TNK2: variants seen among roughly 807,000 people sequenced by gnomAD.
TNK2 encodes activated CDC42 kinase 1.
A neutral mutation model predicts 101.8 loss-of-function variants in TNK2; 83 were observed. That is an observed-to-expected ratio of 0.82 (90% CI 0.68 to 0.98). The LOEUF is 0.98. Among genes scored for constraint, TNK2 ranks in the 50% least tolerant of loss-of-function variants. The probability of loss-of-function intolerance (pLI) is 0.00; values close to 1 mark genes in which losing one functional copy is unlikely to be tolerated. For synonymous variants in TNK2, 804 were observed against 633.0 expected, an observed-to-expected ratio of 1.27 and a Z score of -4.06; for missense variants, 1,665 against 1,483.2, an observed-to-expected ratio of 1.12 and a Z score of -2.01.
chr3:195,871,157 G>A lies in TNK2; in HGVS notation c.1452-952C>T, dbSNP rs553209105. On this transcript the variant is annotated intron_variant, in intron 10 of 15. Transcript: ENST00000672887. ...GGCCAGGGGCCTGGAATCCCCCTGC[G>A]GCCAGCAGAGAGGCTTGGAGGCCTG... Among the ~76,000 whole-genome samples the A allele has an allele frequency of 1.2e-4, 18 of 152,042 alleles. No homozygotes were observed. The East Asian group carries it at 3.1e-3, about 26-fold the overall frequency.
In TNK2 at chr3:195,885,887, T is replaced by C. The variant is rs968204778; in HGVS notation, c.235-854A>G. On this transcript the variant is annotated intron_variant, in intron 3 of 15. Coordinates refer to ENST00000672887, the MANE Select transcript of TNK2 (RefSeq NM_001382273.1). The surrounding 1 kb of genome is among the most constrained non-coding windows in gnomAD (Gnocchi z 4.7). ...CGCCCCCAGAGCTGGTGGATCCTTA[T>C]CCGTCTGGGCTAGGGTGCCTCAAAT... 6.6e-6 allele frequency: 2 copies of C among 304,402 alleles called. No homozygotes were observed. The highest frequency in any genetic ancestry group is 2.8e-5 in the South Asian group (1 of 35,560). 18.9% of individuals were successfully genotyped at this position (304,402 alleles called of 1,614,324 possible).
rs1285027597 is a variant in TNK2, at chr3:195,867,416, C to G, written c.2882G>C (p.Arg961Thr). ...PPRATARLPQ[R>T]GCPGDGPEAG... ...CTCTGGCCCATCGCCAGGGCAGCCC[C>G]TCTGTGGCAGCCGAGCAGTGGCCCT... The change falls in exon 13 of 16, where the codon AGG becomes ACG. Residue 961 changes from arginine to threonine, a missense_variant. By Grantham distance (71) the Arg-to-Thr change is moderately conservative. Around this residue, in one of 3 missense-constraint regions of TNK2, gnomAD observed 1,136 missense variants for 894.9 expected, o/e 1.27. Transcript: ENST00000672887. 1.9e-6 allele frequency: 3 copies of G among 1,603,312 alleles called. No homozygotes were observed. Among genetic ancestry groups the G allele is most frequent in the Non-Finnish European group, 1.7e-6 (2 of 1,178,254 alleles).
chr3:195,890,459 T>TG lies in TNK2; in HGVS notation c.-18-1854_-18-1853insC, dbSNP rs1199072396. Among the ~76,000 whole-genome samples, 222 of 149,392 alleles carry TG rather than the reference T, an allele frequency of 1.5e-3. 2 individuals carry two copies. Among genetic ancestry groups the TG allele is most frequent in the African/African-American group, 4.9e-3 (199 of 40,778 alleles). On this transcript the variant is annotated intron_variant, in intron 1 of 15. Transcript: ENST00000672887. ...AGTACTTTTATAGTTTTTTGGTTTT[T>TG]TTTTTTTTTTTTTTTGAGACAGAGT...
intron 9 of TNK2, among the ~76,000 whole-genome samples, chr3:195,873,810 G>A (rs1036322381): frequency 1.3e-5 from 2 of 151,818 alleles, no homozygotes; most frequent in African/African-American, 4.8e-5. Flanking sequence ...AGAGCACCAC[G>A]GTCGGCGGGG....
chr3:195,867,011 C>G lies in TNK2; in HGVS notation c.3039G>C (p.Glu1013Asp). Reference protein sequence around the residue: ...VQRAAQYLKVEQLFGLGLRPR... With the variant: ...VQRAAQYLKVDQLFGLGLRPR... Reference sequence around the variant, plus strand: ...GCCGCAGACCCAGCCCGAAGAGCTGCTCCACCTGGGGGTAAGGGTGGCGCC... The same window carrying G: ...GCCGCAGACCCAGCCCGAAGAGCTGGTCCACCTGGGGGTAAGGGTGGCGCC... The change falls in exon 15 of 16, where the codon GAG (glutamate) becomes GAC (aspartate). Residue 1013 changes from glutamate (E) to aspartate (D), a missense_variant. Transcript: ENST00000672887. 6.2e-7 allele frequency: 1 copy of G among 1,613,204 alleles called. No individual in the cohort carries two copies. Among genetic ancestry groups the G allele is most frequent in the Non-Finnish European group, 8.5e-7 (1 of 1,179,926 alleles).
intron 9 of TNK2, among the ~76,000 whole-genome samples, chr3:195,875,701 G>A (rs1748739195): frequency 1.3e-5 from 2 of 152,164 alleles, no homozygotes; most frequent in Non-Finnish European, 1.5e-5. Flanking sequence ...CGTGGCCATG[G>A]GAGGGCCAGG....
intron 9 of TNK2, among the ~76,000 whole-genome samples, chr3:195,873,146 G>A (rs1474012261): frequency 1.3e-5 from 2 of 152,186 alleles, no homozygotes; most frequent in African/African-American, 2.4e-5. Context: ...TCCTCAGGAG[G>A]GGCTCTACCT....
intron 10 of TNK2, 126 bp from the exon 11 acceptor site, chr3:195,870,331 G>A (rs373699201): frequency 1.2e-4 from 189 of 1,528,024 alleles, no homozygotes; most frequent in African/African-American, 9.3e-4. Context: ...CAGGCCTCCC[G>A]CCTCCCAGTC....
intron 15 of TNK2, among the ~76,000 whole-genome samples, chr3:195,864,659 G>A (rs1342987175): frequency 7.2e-6 from 1 of 139,342 alleles, no homozygotes; most frequent in Non-Finnish European, 1.6e-5. Context: ...AACCACCTGA[G>A]ACAGTGACAG....
intron 9 of TNK2, among the ~76,000 whole-genome samples, chr3:195,873,176 G>C (rs1746622955): frequency 1.3e-5 from 2 of 152,324 alleles, no homozygotes; most frequent in Non-Finnish European, 2.9e-5. Flanking sequence ...AGGGAACTCA[G>C]CTCTCCCACA....
rs1343813570 is a variant in TNK2 at position 195,885,365 on chromosome 3, C to A, written c.235-332G>T. ...GGTCGGAGTCTCCTCCCAGTCCTGC[C>A]CCACCCTCCCTTCCTGCACCCGCCA... On this transcript the variant is annotated intron_variant, in intron 3 of 15. Coordinates refer to ENST00000672887, the MANE Select transcript of TNK2 (RefSeq NM_001382273.1). The surrounding 1 kb of genome is among the most constrained non-coding windows in gnomAD (Gnocchi z 4.7). The A allele has an allele frequency of 1.9e-5, 26 of 1,365,452 alleles. No homozygotes were observed. The highest frequency in any genetic ancestry group is 6.9e-5 in the Admixed American group (3 of 43,728). The allele number at this position is 1,365,452 out of a possible 1,614,324, so 84.6% of individuals were successfully genotyped here. A position where few individuals can be genotyped will look rare whatever the true frequency, so the allele number is the denominator to read the frequency against.
intron 1 of TNK2, chr3:195,894,713 C>T (rs1240665071): frequency 6.6e-6 from 1 of 152,544 alleles, no homozygotes; most frequent in Non-Finnish European, 1.5e-5. Flanking sequence ...TTCTCCTCGC[C>T]CAGGAAAACA....
intron 6 of TNK2, among the ~76,000 whole-genome samples, chr3:195,881,675 T>A (rs73087332): frequency 1.5e-5 from 1 of 67,912 alleles, no homozygotes; most frequent in East Asian, 8.6e-4. Context: ...GACACAGCAT[T>A]TATCCCTATA....
chr3:195,891,001 T>C (rs2149722789), intron 1 of TNK2, among the ~76,000 whole-genome samples: 1 of 152,352 alleles, frequency 6.6e-6, no homozygotes, highest in South Asian at 2.1e-4. Context: ...TATTATTACC[T>C]TCCTCTTATG....
In TNK2 at chr3:195,865,552, C is replaced by T. The variant is rs1018506475; in HGVS notation, c.3161+1337G>A. The stretch of plus-strand genomic sequence containing the variant: ...ACACGGAGTGCCTGCATCCCAGGTG[C>T]AAATCAGTAAGAACCACCCGAGACA... On this transcript the variant is annotated intron_variant, in intron 15 of 15. Transcript: ENST00000672887. Among the ~76,000 whole-genome samples, 18 of 146,246 alleles carry T rather than the reference C, an allele frequency of 1.2e-4. 1 individual carries two copies. In the East Asian group the frequency reaches 3.7e-3, roughly 30 times the overall value.
rs141375696 is a variant in TNK2, at chr3:195,872,380, C to A, written c.1347G>T (p.Leu449=). 7.4e-6 allele frequency: 12 copies of A among 1,613,372 alleles called. No individual in the cohort carries two copies. The highest frequency in any genetic ancestry group is 1.0e-5 in the Non-Finnish European group (12 of 1,179,904). Residue 449 remains leucine, a synonymous_variant, in exon 10 of 16, where the codon CTG becomes CTT. Coordinates refer to ENST00000672887, the MANE Select transcript of TNK2 (RefSeq NM_001382273.1). ...PRNVVTSVAG[L]SAQDISQPLQ... is the part of the protein sequence containing the mutation. ...GGGGCTGGCTGATGTCCTGGGCCGA[C>A]AGGCCGGCCACGGAGGTCACCACGT... is the stretch of plus-strand genomic sequence containing the variant.
intron 10 of TNK2, among the ~76,000 whole-genome samples, chr3:195,871,970 G>A (rs1472097153): frequency 2.2e-5 from 3 of 136,000 alleles, no homozygotes; most frequent in Non-Finnish European, 4.8e-5. Context: ...ACCCTCCCCT[G>A]GAGAACCCTC....
chr3:195,866,852 G>A, intron 15 of TNK2, 37 bp downstream of exon 15: 1 of 1,598,718 alleles, frequency 6.3e-7, no homozygotes, highest in Non-Finnish European at 8.5e-7. Flanking sequence ...CAGCCCTCCT[G>A]GGGCACGGAG....
chr3:195,873,075 G>T (rs375563929), intron 9 of TNK2, among the ~76,000 whole-genome samples: 4 of 152,260 alleles, frequency 2.6e-5, no homozygotes, highest in African/African-American at 4.8e-5. Flanking sequence ...TCCCTCCACC[G>T]CTTCACCTGC....
Sources: allele counts gnomAD v4.1 joint callset (sites outside exome capture counted in the v4.1 genomes callset), GRCh38; gene constraint gnomAD v4.1.1; regional missense constraint gnomAD v4.1.1; non-coding constraint Gnocchi (gnomAD v3.1); transcripts MANE v1.5; gene names NCBI Gene and HGNC (gene_info 2026-07-23, HGNC 2026-07-21).